TRPM3: variants seen among roughly 807,000 people sequenced by gnomAD.
The protein encoded by TRPM3 is long transient receptor potential channel 3.
In TRPM3, 77 loss-of-function variants were observed where a neutral mutation model predicts 181.2. The ratio of observed to expected loss-of-function variants is 0.42; its 90% confidence interval spans 0.35 to 0.51. TRPM3 has a LOEUF of 0.51. Among genes scored for constraint, TRPM3 ranks in the 20% least tolerant of loss-of-function variants. The pLI is 0.01. For missense variants in TRPM3, 1,759 were observed against 2,196.7 expected (o/e 0.80, Z 3.98); for synonymous variants, 745 against 796.4 (o/e 0.94, Z 1.09).
upstream of TRPM3, chr9:71,121,757 G>A: frequency 5.6e-6 from 2 of 359,630 alleles, no homozygotes; most frequent in Non-Finnish European, 7.7e-6. Flanking sequence ...AAGCCAGAAC[G>A]GGAAACTTGC....
At chr9:70,764,785 T>TTTCTGATTCAGTTCTTTTTCCATCC (rs2078787691) in intron 7 of TRPM3, among the ~76,000 whole-genome samples, 1 of 152,168 alleles carries the variant, frequency 6.6e-6, no homozygotes. Context: ...ATAACTGCCC[T>TTTCTGATTCAGTTCTTTTTCCATCC]TTCTGATTCA....
chr9:71,143,372 T>C (rs1461858568), intron 1 of TRPM3, among the ~76,000 whole-genome samples: 3 of 152,092 alleles, frequency 2.0e-5, no homozygotes, highest in Non-Finnish European at 4.4e-5. Context: ...CCAGTGGGTG[T>C]TGTTCCTCTC....
intron 1 of TRPM3, among the ~76,000 whole-genome samples, chr9:71,333,869 T>C (rs2090382435): frequency 1.3e-5 from 2 of 151,906 alleles, no homozygotes; most frequent in South Asian, 4.2e-4. Context: ...GTGTGTGAAA[T>C]CTCCTGTTTC....
intron 1 of TRPM3, among the ~76,000 whole-genome samples, chr9:71,024,773 A>G (rs1328544115): frequency 2.0e-5 from 3 of 152,220 alleles, no homozygotes; most frequent in Non-Finnish European, 2.9e-5. Flanking sequence ...CATTTATCAG[A>G]GATGATAGCA....
chr9:70,996,234 TA>T (rs749733936), intron 1 of TRPM3, among the ~76,000 whole-genome samples: 1 of 152,226 alleles, frequency 6.6e-6, no homozygotes, highest in Non-Finnish European at 1.5e-5. Flanking sequence ...ATAAAGGGGT[TA>T]AGAACTTTGA....
chr9:71,283,317 T>C (rs944417197), intron 1 of TRPM3, among the ~76,000 whole-genome samples: 1 of 152,162 alleles, frequency 6.6e-6, no homozygotes, highest in Non-Finnish European at 1.5e-5. Context: ...TTCTTTCTTT[T>C]TGGAGACAGA....
chr9:70,909,715 A>C (rs935912962), intron 1 of TRPM3, among the ~76,000 whole-genome samples: 4 of 152,222 alleles, frequency 2.6e-5, no homozygotes, highest in African/African-American at 9.6e-5. Context: ...GGGGCCAATA[A>C]ACATATATAA....
rs1410564443 is a variant in TRPM3 at position 71,121,557 on chromosome 9, TGAA to T, written c.-206_-204del. 3.6e-6 allele frequency: 5 copies of T among 1,379,868 alleles called. No homozygotes were observed. Among genetic ancestry groups the T allele is most frequent in the East Asian group, 2.7e-5 (1 of 37,396 alleles). The allele number at this position is 1,379,868 out of a possible 1,614,324, so 85.5% of individuals were successfully genotyped here. ...GCTTCGGGGAGGGGATGCACGATTTTGAAGAAGAGGGACAGCCTGCACAAAACA... is the reference window on the plus strand; with the variant it reads ...GCTTCGGGGAGGGGATGCACGATTTTGAAGAGGGACAGCCTGCACAAAACA... On this transcript the variant is annotated 5_prime_UTR_variant, in exon 1 of 26. Transcript: ENST00000677713.
chr9:71,298,835 T>C (rs1224426025), intron 1 of TRPM3, among the ~76,000 whole-genome samples: 1 of 152,130 alleles, frequency 6.6e-6, no homozygotes, highest in East Asian at 1.9e-4. Context: ...GAAACCCTCT[T>C]TTATAAGGAA....
intron 9 of TRPM3, among the ~76,000 whole-genome samples, chr9:70,680,891 G>T (rs2065247135): frequency 6.6e-6 from 1 of 152,216 alleles, no homozygotes; most frequent in Non-Finnish European, 1.5e-5. Context: ...AGGACAGATA[G>T]ATGAGGACTT....
chr9:71,022,178 C>T (rs1266520130), intron 1 of TRPM3, among the ~76,000 whole-genome samples: 3 of 152,120 alleles, frequency 2.0e-5, no homozygotes, highest in Non-Finnish European at 4.4e-5. Flanking sequence ...AATATGATGT[C>T]AGCAGAGATT....
chr9:71,132,258 G>A (rs185796259), intron 1 of TRPM3, among the ~76,000 whole-genome samples: 161 of 152,230 alleles, frequency 1.1e-3, no homozygotes, highest in African/African-American at 3.7e-3. Flanking sequence ...TCTGAGTCTC[G>A]ATCTCTTGTT....
At position 70,625,836 on chromosome 9, in the gene TRPM3, A is replaced by AT. The variant is rs1413664099; in HGVS notation, c.1633-320dup. Among the ~76,000 whole-genome samples, 1 of 152,132 alleles carries AT rather than the reference A, an allele frequency of 6.6e-6. No individual in the cohort carries two copies. Among genetic ancestry groups the AT allele is most frequent in the Non-Finnish European group, 1.5e-5 (1 of 68,024 alleles). ...ATTACCAGAGCCTCCATCAGCTGGG[A>AT]TTTTAGGACTCGGGTCTCCTTTAAT... On this transcript the variant is annotated intron_variant, in intron 12 of 25. Transcript: ENST00000677713. The surrounding 1 kb of genome is among the most constrained non-coding windows in gnomAD (Gnocchi z 4.8).
At chr9:71,392,097 A>G (rs975013865) in intron 1 of TRPM3, among the ~76,000 whole-genome samples, 3 of 152,148 alleles carry the variant, frequency 2.0e-5, no homozygotes, top group Non-Finnish European at 2.9e-5. Context: ...CTAAAAAGAG[A>G]AAAGCCAATT....
At chr9:71,135,342 A>G (rs998659006) in intron 1 of TRPM3, among the ~76,000 whole-genome samples, 2 of 152,224 alleles carry the variant, frequency 1.3e-5, no homozygotes. Context: ...TCAATTACAT[A>G]TAACAGAATG....
intron 1 of TRPM3, among the ~76,000 whole-genome samples, chr9:71,130,692 G>A (rs972399258): frequency 2.6e-5 from 4 of 152,090 alleles, no homozygotes; most frequent in African/African-American, 9.7e-5. Flanking sequence ...AAAGCCATCC[G>A]CAGGCGCCTA....
At chr9:70,976,526 T>C (rs989122698) in intron 1 of TRPM3, among the ~76,000 whole-genome samples, 12 of 152,374 alleles carry the variant, frequency 7.9e-5, no homozygotes, top group Non-Finnish European at 1.3e-4. Context: ...CCAGCCCAGA[T>C]CTACTGAATA....
chr9:70,778,144 G>A (rs2081793317), intron 7 of TRPM3, among the ~76,000 whole-genome samples: 1 of 152,044 alleles, frequency 6.6e-6, no homozygotes, highest in Middle Eastern at 3.2e-3. Context: ...AGTCATCCAG[G>A]CTGACCCTCA....
chr9:71,061,380 A>G (rs1396957862), intron 1 of TRPM3, among the ~76,000 whole-genome samples: 1 of 152,162 alleles, frequency 6.6e-6, no homozygotes, highest in East Asian at 1.9e-4. Flanking sequence ...GTGTGGAATC[A>G]ACAGAGGTGG....
Sources: gnomAD v4.1 joint callset for allele counts (sites outside exome capture counted in the v4.1 genomes callset) on GRCh38, gnomAD v4.1.1 for gene constraint, Gnocchi (gnomAD v3.1) non-coding constraint, MANE v1.5 for transcripts, NCBI Gene and HGNC (gene_info 2026-07-23, HGNC 2026-07-21) for gene names.